IMMP2L: variants seen among roughly 807,000 people sequenced by gnomAD.
IMMP2L encodes inner mitochondrial membrane peptidase subunit 2, also known as mitochondrial inner membrane protease subunit 2.
A neutral mutation model predicts 19.3 loss-of-function variants in IMMP2L; 18 were observed. The observed-to-expected ratio is 0.93, with a 90% CI of 0.64 to 1.38. The LOEUF (loss-of-function observed/expected upper bound fraction) is 1.38. Among genes scored for constraint, IMMP2L ranks in the 40% most tolerant of loss-of-function variants. The probability of loss-of-function intolerance (pLI) is 0.00; values close to 1 mark genes in which losing one functional copy is unlikely to be tolerated. For synonymous variants in IMMP2L, 76 were observed against 73.0 expected, an observed-to-expected ratio of 1.04 and a Z score of -0.21; for missense variants, 233 against 218.2, an observed-to-expected ratio of 1.07 and a Z score of -0.43.
rs1472995252 is a variant in IMMP2L at position 111,030,882 on chromosome 7, GTGTATATA to G, written c.240-67325_240-67318del. On this transcript the variant is annotated intron_variant, in intron 3 of 5. Coordinates refer to ENST00000405709, the MANE Select transcript of IMMP2L (RefSeq NM_032549.4). ...TATGTGTGTGTATGTGTGTGTGTGT[GTGTATATA>G]TATATATATATATATATATATATAT... is the stretch of plus-strand genomic sequence containing the variant. Among the ~76,000 whole-genome samples the G allele has an allele frequency of 8.5e-4, 43 of 50,760 alleles. No individual in the cohort carries two copies. The East Asian group carries it at 9.3e-3, about 11-fold the overall frequency. 33.3% of individuals were successfully genotyped at this position (50,760 alleles called of 152,430 possible). A position where few individuals can be genotyped will look rare whatever the true frequency, so the allele number is the denominator to read the frequency against.
intron 2 of IMMP2L, among the ~76,000 whole-genome samples, chr7:111,495,975 C>A (rs1412249047): frequency 6.6e-6 from 1 of 152,140 alleles, no homozygotes; most frequent in East Asian, 1.9e-4. Flanking sequence ...CCTCAGACTT[C>A]TTTTGAAGAA....
chr7:111,416,649 G>A (rs918861427), intron 3 of IMMP2L, among the ~76,000 whole-genome samples: 2 of 151,694 alleles, frequency 1.3e-5, no homozygotes, highest in Non-Finnish European at 2.9e-5. Context: ...TAATATGATT[G>A]GTTCTAATAA....
At chr7:110,816,726 T>G (rs1047803014) in intron 5 of IMMP2L, among the ~76,000 whole-genome samples, 9 of 150,894 alleles carry the variant, frequency 6.0e-5, no homozygotes, top group African/African-American at 2.4e-5. Context: ...TGTAATGGCC[T>G]TCTTTGTCTC....
chr7:111,193,760 TA>T (rs1389725257), intron 3 of IMMP2L, among the ~76,000 whole-genome samples: 3 of 152,178 alleles, frequency 2.0e-5, no homozygotes, highest in Non-Finnish European at 4.4e-5. Flanking sequence ...CTAATTAAGA[TA>T]TTTTAGCTGG....
At chr7:111,076,339 G>C (rs1310157265) in intron 3 of IMMP2L, among the ~76,000 whole-genome samples, 4 of 152,216 alleles carry the variant, frequency 2.6e-5, no homozygotes, top group African/African-American at 9.6e-5. Context: ...ATGTGCCCCT[G>C]AGTACTACTT....
chr7:111,486,704 G>A (rs1405888270), intron 3 of IMMP2L, among the ~76,000 whole-genome samples: 1 of 152,116 alleles, frequency 6.6e-6, no homozygotes, highest in Non-Finnish European at 1.5e-5. Context: ...AGACTGGAAT[G>A]AAATTTTTGA....
intron 5 of IMMP2L, among the ~76,000 whole-genome samples, chr7:110,718,240 A>C (rs946698891): frequency 6.6e-6 from 1 of 152,216 alleles, no homozygotes; most frequent in African/African-American, 2.4e-5. Flanking sequence ...TTTCTGGTGT[A>C]AAAGTAGAAA....
At chr7:110,999,554 C>G (rs1286886710) in intron 3 of IMMP2L, among the ~76,000 whole-genome samples, 4 of 146,932 alleles carry the variant, frequency 2.7e-5, no homozygotes, top group Non-Finnish European at 1.5e-5. Context: ...TTTCCTAATT[C>G]TTGTTTTATG....
At chr7:110,841,642 T>C (rs1805099815) in intron 5 of IMMP2L, among the ~76,000 whole-genome samples, 1 of 152,128 alleles carries the variant, frequency 6.6e-6, no homozygotes, top group African/African-American at 2.4e-5. Context: ...ATGACTTCAA[T>C]AGATACATTA....
chr7:111,458,434 G>C (rs1839862615), intron 3 of IMMP2L, among the ~76,000 whole-genome samples: 1 of 151,686 alleles, frequency 6.6e-6, no homozygotes, highest in African/African-American at 2.4e-5. Flanking sequence ...AACATAATAT[G>C]CTTTCTGTTT....
intron 5 of IMMP2L, among the ~76,000 whole-genome samples, chr7:110,800,907 A>G (rs1801193972): frequency 6.6e-6 from 1 of 152,076 alleles, no homozygotes; most frequent in Non-Finnish European, 1.5e-5. Context: ...TCTATTCCAC[A>G]AGTCTTAGTC....
chr7:111,161,549 T>C (rs1326418406), intron 3 of IMMP2L, among the ~76,000 whole-genome samples: 2 of 151,836 alleles, frequency 1.3e-5, no homozygotes. Flanking sequence ...GTTAAAAAAA[T>C]AGCAAATCAG....
intron 5 of IMMP2L, among the ~76,000 whole-genome samples, chr7:110,795,815 G>A (rs1027147050): frequency 2.0e-5 from 3 of 152,044 alleles, no homozygotes; most frequent in Non-Finnish European, 2.9e-5. Flanking sequence ...GGGATACAGA[G>A]AAGGAGAAAG....
At chr7:111,108,087 C>G (rs1798752637) in intron 3 of IMMP2L, among the ~76,000 whole-genome samples, 1 of 152,028 alleles carries the variant, frequency 6.6e-6, no homozygotes, top group South Asian at 2.1e-4. Context: ...AGTACAGTGT[C>G]TTCTGTAAGT....
At chr7:111,384,341 T>G (rs1448931276) in intron 3 of IMMP2L, among the ~76,000 whole-genome samples, 7 of 137,512 alleles carry the variant, frequency 5.1e-5, no homozygotes, top group African/African-American at 8.3e-5. Flanking sequence ...AGGAGGAGGA[T>G]GAGGAAGAGA....
intron 3 of IMMP2L, among the ~76,000 whole-genome samples, chr7:111,018,265 A>G (rs1283276246): frequency 6.6e-6 from 1 of 152,198 alleles, no homozygotes; most frequent in Non-Finnish European, 1.5e-5. Context: ...GCATGGTGGG[A>G]CACAGTGTTA....
chr7:111,435,864 C>G (rs2131731265), intron 3 of IMMP2L, among the ~76,000 whole-genome samples: 1 of 151,738 alleles, frequency 6.6e-6, no homozygotes, highest in African/African-American at 2.4e-5. Flanking sequence ...TGGGGGCATC[C>G]CTATACTCCT....
intron 4 of IMMP2L, among the ~76,000 whole-genome samples, chr7:110,943,158 C>G (rs1317279190): frequency 6.6e-6 from 1 of 151,996 alleles, no homozygotes; most frequent in Non-Finnish European, 1.5e-5. Context: ...CCAAGGGTTT[C>G]TCCAGCAATG....
At chr7:110,737,080 C>A (rs922764817) in intron 5 of IMMP2L, among the ~76,000 whole-genome samples, 1 of 152,124 alleles carries the variant, frequency 6.6e-6, no homozygotes, top group African/African-American at 2.4e-5. Flanking sequence ...CTTGCAGCTG[C>A]CACTTGGATG....
Sources: gnomAD v4.1 joint callset for allele counts (sites outside exome capture counted in the v4.1 genomes callset) on GRCh38, gnomAD v4.1.1 for gene constraint, MANE v1.5 for transcripts, NCBI Gene and HGNC (gene_info 2026-07-23, HGNC 2026-07-21) for gene names.